Variants in CNTNAP2 observed in about 807,000 individuals in gnomAD.
CNTNAP2 encodes the protein contactin associated protein 2.
A neutral mutation model predicts 155.2 loss-of-function variants in CNTNAP2; 98 were observed. The observed-to-expected ratio is 0.63, with a 90% CI of 0.54 to 0.75. The LOEUF (loss-of-function observed/expected upper bound fraction) is 0.75. Ranked by LOEUF, CNTNAP2 falls within the 30% of genes least tolerant of loss-of-function variation. The pLI is 0.00. For synonymous variants in CNTNAP2, 651 were observed against 631.2 expected (o/e 1.03, Z -0.47); for missense variants, 1,727 against 1,688.1 (o/e 1.02, Z -0.40).
chr7:146,152,463 A>T (rs1198027931), intron 1 of CNTNAP2, among the ~76,000 whole-genome samples: 1 of 152,094 alleles, frequency 6.6e-6, no homozygotes, highest in East Asian at 1.9e-4. Context: ...ACAACGTGGT[A>T]GCTATAGTTA....
chr7:147,878,755 T>C (rs1369681708), intron 13 of CNTNAP2, among the ~76,000 whole-genome samples: 4 of 152,208 alleles, frequency 2.6e-5, no homozygotes, highest in Non-Finnish European at 4.4e-5. Flanking sequence ...TTTGAGAATA[T>C]TCAACATGAG....
chr7:147,269,523 G>A (rs1387448202), intron 8 of CNTNAP2, among the ~76,000 whole-genome samples: 1 of 152,172 alleles, frequency 6.6e-6, no homozygotes, highest in Non-Finnish European at 1.5e-5. Context: ...AGTGCTATGA[G>A]AGACACAATA....
intron 1 of CNTNAP2, among the ~76,000 whole-genome samples, chr7:146,750,913 T>G (rs1021665603): frequency 7.2e-5 from 11 of 152,194 alleles, no homozygotes; most frequent in African/African-American, 2.7e-4. Flanking sequence ...GATATAAAAA[T>G]AATGCTGATA....
At chr7:147,890,112 G>T (rs1354102756) in intron 13 of CNTNAP2, among the ~76,000 whole-genome samples, 1 of 152,180 alleles carries the variant, frequency 6.6e-6, no homozygotes, top group Non-Finnish European at 1.5e-5. Flanking sequence ...CACTGTGGGA[G>T]ACTGAGGCGG....
At chr7:146,168,445 A>G (rs886753923) in intron 1 of CNTNAP2, among the ~76,000 whole-genome samples, 1 of 152,148 alleles carries the variant, frequency 6.6e-6, no homozygotes, top group Non-Finnish European at 1.5e-5. Flanking sequence ...CAGATAATGT[A>G]AGGACAGAGA....
At chr7:146,581,617 G>A (rs779058352) in intron 1 of CNTNAP2, among the ~76,000 whole-genome samples, 3 of 151,202 alleles carry the variant, frequency 2.0e-5, no homozygotes, top group Non-Finnish European at 2.9e-5. Flanking sequence ...AACACTCAAT[G>A]TAATGTATTA....
intron 14 of CNTNAP2, among the ~76,000 whole-genome samples, chr7:147,907,580 G>T (rs774046003): frequency 6.6e-6 from 1 of 152,042 alleles, no homozygotes; most frequent in Non-Finnish European, 1.5e-5. Context: ...CTTGATGCGG[G>T]TAGACCTTAC....
Position 148,035,671 on chromosome 7 carries a change from A to G in CNTNAP2, c.2383+57682A>G, listed in dbSNP as rs142881730. Reference sequence around the variant, plus strand: ...CAGAGACATGGTACAGACAGAAGTCATAGCAGATTTCCCACTATGGCGATG... The same window carrying G: ...CAGAGACATGGTACAGACAGAAGTCGTAGCAGATTTCCCACTATGGCGATG... On this transcript the variant is annotated intron_variant, in intron 15 of 23. Transcript: ENST00000361727. Among the ~76,000 whole-genome samples the G allele has an allele frequency of 4.0e-4, 61 of 152,334 alleles. No homozygotes were observed. The East Asian group carries it at 0.011, about 28-fold the overall frequency.
chr7:146,196,649 T>A (rs1359662654), intron 1 of CNTNAP2, among the ~76,000 whole-genome samples: 1 of 151,988 alleles, frequency 6.6e-6, no homozygotes, highest in Non-Finnish European at 1.5e-5. Flanking sequence ...GATAGCTGCT[T>A]CTAGAGAAAC....
chr7:146,620,319 G>GA (rs1799296613), intron 1 of CNTNAP2, among the ~76,000 whole-genome samples: 1 of 152,170 alleles, frequency 6.6e-6, no homozygotes, highest in Non-Finnish European at 1.5e-5. Flanking sequence ...GGCTAACGGT[G>GA]CTGCCTGCTA....
intron 8 of CNTNAP2, among the ~76,000 whole-genome samples, chr7:147,147,961 C>T (rs2129288740): frequency 6.6e-6 from 1 of 152,286 alleles, no homozygotes; most frequent in Admixed American, 6.5e-5. Context: ...ACACACCCCA[C>T]AGAGTCTTTC....
chr7:146,192,756 C>T (rs947209161), intron 1 of CNTNAP2, among the ~76,000 whole-genome samples: 4 of 152,178 alleles, frequency 2.6e-5, no homozygotes, highest in African/African-American at 7.2e-5. Flanking sequence ...ATCATGCCTT[C>T]CCAACAGTCT....
intron 3 of CNTNAP2, among the ~76,000 whole-genome samples, chr7:146,883,909 T>C (rs867881875): frequency 1.3e-5 from 2 of 152,098 alleles, no homozygotes; most frequent in Admixed American, 1.3e-4. Context: ...AATAATCATA[T>C]TATGTTTGAA....
chr7:147,273,485 G>A (rs986714425), intron 8 of CNTNAP2, among the ~76,000 whole-genome samples: 5 of 151,908 alleles, frequency 3.3e-5, no homozygotes, highest in African/African-American at 1.2e-4. Flanking sequence ...GTATCCAACA[G>A]TAATTTTTCA....
intron 8 of CNTNAP2, among the ~76,000 whole-genome samples, chr7:147,279,660 C>A (rs1443550353): frequency 6.6e-6 from 1 of 151,916 alleles, no homozygotes; most frequent in Admixed American, 6.6e-5. Flanking sequence ...GCTTCATAAA[C>A]CTATCCCTAG....
At chr7:147,822,395 G>A (rs1417759782) in intron 13 of CNTNAP2, among the ~76,000 whole-genome samples, 1 of 152,076 alleles carries the variant, frequency 6.6e-6, no homozygotes, top group Non-Finnish European at 1.5e-5. Context: ...ATAACAAGAT[G>A]TTCTCACTTT....
chr7:147,726,210 T>C (rs1404484791), intron 13 of CNTNAP2, among the ~76,000 whole-genome samples: 3 of 151,948 alleles, frequency 2.0e-5, no homozygotes. Flanking sequence ...AACAGTAAAG[T>C]ATTATATACT....
chr7:148,181,691 G>A (rs1055210784), intron 18 of CNTNAP2, among the ~76,000 whole-genome samples: 3 of 147,928 alleles, frequency 2.0e-5, no homozygotes, highest in Non-Finnish European at 3.0e-5. Flanking sequence ...CAAAGTGTTC[G>A]GATTTGGCTT....
intron 15 of CNTNAP2, among the ~76,000 whole-genome samples, chr7:147,989,824 G>A (rs1350918117): frequency 6.6e-6 from 1 of 152,174 alleles, no homozygotes; most frequent in African/African-American, 2.4e-5. Context: ...CCACTCAGCT[G>A]ACATAGCCAC....
Sources: gnomAD v4.1 joint callset for allele counts (sites outside exome capture counted in the v4.1 genomes callset) on GRCh38, gnomAD v4.1.1 for gene constraint, MANE v1.5 for transcripts, NCBI Gene and HGNC (gene_info 2026-07-23, HGNC 2026-07-21) for gene names.